USP47: variants seen among roughly 807,000 people sequenced by gnomAD.
USP47 encodes the protein ubiquitin specific peptidase 47.
USP47 carries 35 observed loss-of-function variants against 165.1 expected under a neutral mutation model. The ratio of observed to expected loss-of-function variants is 0.21; its 90% CI spans 0.16 to 0.28. The LOEUF (loss-of-function observed/expected upper bound fraction) is 0.28. Among genes scored for constraint, USP47 ranks in the 10% least tolerant of loss-of-function variants. USP47 has a pLI of 1.00. For missense variants in USP47, 1,277 were observed against 1,607.4 expected (o/e 0.79, Z 3.52); for synonymous variants, 531 against 544.5 (o/e 0.98, Z 0.35).
At position 11,948,508 on chromosome 11, in the gene USP47, A is replaced by G; in HGVS notation, c.3298A>G (p.Lys1100Glu). 3 of 1,613,176 alleles carry G rather than the reference A, an allele frequency of 1.9e-6. No homozygotes were observed. The highest frequency in any genetic ancestry group is 1.7e-6 in the Non-Finnish European group (2 of 1,179,322). Residue 1100 changes from lysine (K) to glutamate (E), a missense_variant, in exon 22 of 28, where the codon AAA becomes GAA. Lys to Glu is a moderately conservative substitution (Grantham distance 56). This residue lies in a region of USP47 where 909 missense variants were observed against 1,068.1 expected (regional missense o/e 0.85). Transcript: ENST00000527733. ...ITIRLGRALK[K>E]GEYRVKVYQL... Reference sequence around the variant, plus strand: ...AATTAGACTGGGGAGAGCACTTAAAAAAGGAGAATACAGAGTTAAAGTATA... The same window carrying G: ...AATTAGACTGGGGAGAGCACTTAAAGAAGGAGAATACAGAGTTAAAGTATA...
At chr11:11,874,440 T>G (rs1359802500) in intron 1 of USP47, among the ~76,000 whole-genome samples, 1 of 152,066 alleles carries the variant, frequency 6.6e-6, no homozygotes, top group Non-Finnish European at 1.5e-5. Context: ...AGTTTTGAGG[T>G]GGGATGAAGG....
At chr11:11,864,263 G>A (rs941675122) in intron 1 of USP47, among the ~76,000 whole-genome samples, 1 of 152,060 alleles carries the variant, frequency 6.6e-6, no homozygotes, top group African/African-American at 2.4e-5. Flanking sequence ...TGTAGTATGT[G>A]TTTGTAATGT....
intron 19 of USP47, 52 bp from the exon 20 acceptor site, chr11:11,942,283 A>G: frequency 6.7e-7 from 1 of 1,500,528 alleles, no homozygotes. Context: ...ATGATGATGA[A>G]TGAGCATGTC....
Position 11,948,758 on chromosome 11 carries a change from A to G in USP47, c.3348+200A>G, listed in dbSNP as rs1314084016. On this transcript the variant is annotated intron_variant, in intron 22 of 27. Transcript: ENST00000527733. The stretch of plus-strand genomic sequence containing the variant: ...TATAGCACAAGGAGCCATAGACAAT[A>G]ATAAGCCAATGAGATGGCTATGTCT... 1.5e-5 allele frequency: 7 copies of G among 477,042 alleles called. 1 individual carries two copies. The Admixed American group carries it at 2.1e-4, about 14-fold the overall frequency. 29.6% of individuals were successfully genotyped at this position (477,042 alleles called of 1,614,324 possible). A position where few individuals can be genotyped will look rare whatever the true frequency, so the allele number is the denominator to read the frequency against.
chr11:11,951,272 T>TGGA (rs1856203794), intron 24 of USP47: 1 of 152,180 alleles, frequency 6.6e-6, no homozygotes, highest in Non-Finnish European at 1.5e-5. Flanking sequence ...GGGCCCACCC[T>TGGA]GAAGACCTTA....
At chr11:11,867,321 A>T (rs1158886644) in intron 1 of USP47, among the ~76,000 whole-genome samples, 1 of 152,008 alleles carries the variant, frequency 6.6e-6, no homozygotes, top group Non-Finnish European at 1.5e-5. Flanking sequence ...TATTTATTTA[A>T]ATATTCCCTC....
chr11:11,885,976 C>T (rs1416842093), intron 3 of USP47, among the ~76,000 whole-genome samples: 1 of 152,162 alleles, frequency 6.6e-6, no homozygotes, highest in Admixed American at 6.5e-5. Context: ...GGAGTGGACC[C>T]CCAGCAAACT....
chr11:11,945,626 G>A (rs11822509), intron 20 of USP47, among the ~76,000 whole-genome samples: 1,974 of 150,450 alleles, frequency 0.013, 47 homozygotes, highest in African/African-American at 0.047. Flanking sequence ...TACAATTTTG[G>A]TTACCGCTTC....
intron 20 of USP47, among the ~76,000 whole-genome samples, chr11:11,947,412 A>C (rs755957988): frequency 2.0e-5 from 3 of 152,200 alleles, no homozygotes; most frequent in Non-Finnish European, 2.9e-5. Flanking sequence ...CTGAAAATTA[A>C]ATAATATTAC....
chr11:11,861,377 T>C (rs1849376016), intron 1 of USP47, among the ~76,000 whole-genome samples: 1 of 152,184 alleles, frequency 6.6e-6, no homozygotes, highest in Admixed American at 6.5e-5. Flanking sequence ...ATTACAGGCG[T>C]GAGCTACCAC....
Position 11,929,425 on chromosome 11 carries a change from T to C in USP47, c.1387-9T>C, listed in dbSNP as rs745890133. 6.2e-7 allele frequency: 1 copy of C among 1,610,226 alleles called. No individual in the cohort carries two copies. Among genetic ancestry groups the C allele is most frequent in the Non-Finnish European group, 8.5e-7 (1 of 1,178,316 alleles). On this transcript the variant is annotated splice_polypyrimidine_tract_variant and intron_variant, in intron 11 of 27. Coordinates refer to ENST00000527733, the MANE Select transcript of USP47 (RefSeq NM_001282659.2). ...TCTCCTCTGAGTTACTTTTATTTTTTCCCCTTAGAATTCCTTGATCTATGA... is the reference window on the plus strand; with the variant it reads ...TCTCCTCTGAGTTACTTTTATTTTTCCCCCTTAGAATTCCTTGATCTATGA...
At chr11:11,906,647 C>G (rs182796346) in intron 8 of USP47, among the ~76,000 whole-genome samples, 2 of 152,238 alleles carry the variant, frequency 1.3e-5, no homozygotes, top group South Asian at 2.1e-4. Context: ...TTTTCATAGT[C>G]GGCTTCCTGA....
intron 1 of USP47, among the ~76,000 whole-genome samples, chr11:11,850,882 C>T (rs992717596): frequency 6.6e-6 from 1 of 152,210 alleles, no homozygotes; most frequent in Non-Finnish European, 1.5e-5. Flanking sequence ...AGCACCGTCT[C>T]GCTGTGTCCT....
chr11:11,868,937 CTT>C (rs1295698779), intron 1 of USP47, among the ~76,000 whole-genome samples: 8 of 151,676 alleles, frequency 5.3e-5, no homozygotes, highest in Non-Finnish European at 7.4e-5. Context: ...ATTGAAATGT[CTT>C]TTCATGATTT....
intron 1 of USP47, among the ~76,000 whole-genome samples, chr11:11,877,264 T>C (rs750431691): frequency 6.6e-6 from 1 of 152,212 alleles, no homozygotes; most frequent in African/African-American, 2.4e-5. Context: ...AGAGAAATTT[T>C]ACTTTAGTGT....
intron 1 of USP47, among the ~76,000 whole-genome samples, chr11:11,858,787 T>C (rs2134180375): frequency 6.6e-6 from 1 of 152,330 alleles, no homozygotes; most frequent in East Asian, 1.9e-4. Flanking sequence ...AGTTTATCCA[T>C]TTACCAGCTG....
At chr11:11,847,161 A>C (rs1848473051) in intron 1 of USP47, among the ~76,000 whole-genome samples, 1 of 152,100 alleles carries the variant, frequency 6.6e-6, no homozygotes, top group African/African-American at 2.4e-5. Flanking sequence ...CTATTTCTGA[A>C]TTTCTGGATT....
chr11:11,920,730 T>C (rs1332321160), intron 10 of USP47, among the ~76,000 whole-genome samples: 4 of 151,908 alleles, frequency 2.6e-5, no homozygotes, highest in Non-Finnish European at 5.9e-5. Context: ...TAACTTATGA[T>C]ACTCTTTGAA....
At chr11:11,887,344 CA>C (rs1361852577) in intron 3 of USP47, among the ~76,000 whole-genome samples, 2 of 152,166 alleles carry the variant, frequency 1.3e-5, no homozygotes, top group Admixed American at 1.3e-4. Flanking sequence ...ATCTCATGTG[CA>C]AAGACACACA....
Sources: allele counts gnomAD v4.1 joint callset (sites outside exome capture counted in the v4.1 genomes callset), GRCh38; gene constraint gnomAD v4.1.1; regional missense constraint gnomAD v4.1.1; transcripts MANE v1.5; gene names NCBI Gene and HGNC (gene_info 2026-07-23, HGNC 2026-07-21).